Variants in CDH12 observed in about 807,000 individuals in gnomAD.
CDH12 encodes cadherin-12.
CDH12 carries 41 observed loss-of-function variants against 74.1 expected under a neutral mutation model. The ratio of observed to expected loss-of-function variants is 0.55; its 90% CI spans 0.43 to 0.72. The LOEUF (loss-of-function observed/expected upper bound fraction) is 0.72. Ranked by LOEUF, CDH12 falls within the 30% of genes least tolerant of loss-of-function variation. The pLI, the probability that CDH12 is intolerant of heterozygous loss-of-function variation, is 0.00. For synonymous variants in CDH12, 399 were observed against 355.0 expected, an observed-to-expected ratio of 1.12 and a Z score of -1.39; for missense variants, 945 against 977.2, an observed-to-expected ratio of 0.97 and a Z score of 0.44.
chr5:21,853,482 C>T (rs987534901), intron 7 of CDH12, among the ~76,000 whole-genome samples: 3 of 151,378 alleles, frequency 2.0e-5, no homozygotes, highest in African/African-American at 7.3e-5. Flanking sequence ...ACTTCTGGCC[C>T]CTATTGGCTT....
At chr5:22,176,921 C>A (rs971180984) in intron 4 of CDH12, among the ~76,000 whole-genome samples, 1 of 152,100 alleles carries the variant, frequency 6.6e-6, no homozygotes, top group Non-Finnish European at 1.5e-5. Context: ...CATGCTTTGC[C>A]TCTTTGCTCA....
At chr5:21,803,921 C>T (rs528267191) in intron 9 of CDH12, among the ~76,000 whole-genome samples, 1 of 152,084 alleles carries the variant, frequency 6.6e-6, no homozygotes, top group Non-Finnish European at 1.5e-5. Flanking sequence ...ACTTTTAAAT[C>T]TTCGAAAACT....
intron 3 of CDH12, among the ~76,000 whole-genome samples, chr5:22,244,755 AG>A (rs1752878094): frequency 9.7e-6 from 1 of 103,588 alleles, no homozygotes; most frequent in Admixed American, 8.9e-5. Context: ...AAAGAAAGAA[AG>A]AAAGAAAGAA....
intron 5 of CDH12, among the ~76,000 whole-genome samples, chr5:22,008,761 A>G (rs554024787): frequency 6.6e-6 from 1 of 152,080 alleles, no homozygotes; most frequent in Non-Finnish European, 1.5e-5. Flanking sequence ...CATGTCCCAG[A>G]TATCTGGGAT....
intron 3 of CDH12, among the ~76,000 whole-genome samples, chr5:22,317,194 T>C (rs959751822): frequency 8.6e-5 from 13 of 152,024 alleles, no homozygotes; most frequent in African/African-American, 3.1e-4. Context: ...GGCGGGCGCC[T>C]GTAATCCTAG....
chr5:22,255,783 G>T (rs1188904077), intron 3 of CDH12, among the ~76,000 whole-genome samples: 1 of 151,594 alleles, frequency 6.6e-6, no homozygotes, highest in African/African-American at 2.4e-5. Context: ...CTAAAATTAA[G>T]TTTTTTAAAA....
At chr5:22,764,543 A>G (rs1351260277) in intron 1 of CDH12, among the ~76,000 whole-genome samples, 2 of 152,032 alleles carry the variant, frequency 1.3e-5, no homozygotes, top group Non-Finnish European at 2.9e-5. Context: ...AATGAAGAAC[A>G]TGGTATTATA....
chr5:21,808,695 C>A (rs543438000), intron 9 of CDH12, among the ~76,000 whole-genome samples: 1 of 151,986 alleles, frequency 6.6e-6, no homozygotes, highest in African/African-American at 2.4e-5. Flanking sequence ...AATGAAAAAG[C>A]AGGTTTCCTA....
rs34948688 is a variant in CDH12 at position 22,747,607 on chromosome 5, C to CAAA, written c.-523+105448_-523+105450dup. Reference sequence around the variant, plus strand: ...ACCTGGTAACAGAGTGAGACGCTGCCAAAAAAAAAAAAAAAAAGAGAAGAA... The same window carrying CAAA: ...ACCTGGTAACAGAGTGAGACGCTGCCAAAAAAAAAAAAAAAAAAAAGAGAAGAA... On this transcript the variant is annotated intron_variant, in intron 1 of 14. Coordinates refer to ENST00000382254, the MANE Select transcript of CDH12 (RefSeq NM_004061.5). Among the ~76,000 whole-genome samples the CAAA allele has an allele frequency of 2.0e-3, 221 of 110,722 alleles. 2 individuals are homozygous for CAAA. Among genetic ancestry groups the CAAA allele is most frequent in the Middle Eastern group, 5.3e-3 (1 of 188 alleles). The allele number at this position is 110,722 out of a possible 152,430, so 72.6% of individuals were successfully genotyped here. A position where few individuals can be genotyped will look rare whatever the true frequency, so the allele number is the denominator to read the frequency against.
chr5:22,750,229 A>C (rs12188447), intron 1 of CDH12, among the ~76,000 whole-genome samples: 125,915 of 152,046 alleles, frequency 0.83, 52,269 homozygotes, highest in Non-Finnish European at 0.86. Flanking sequence ...TGGAACATGA[A>C]CAAAGAGAGC....
At chr5:22,836,217 CTTTCTCT>C (rs1736813133) in intron 1 of CDH12, among the ~76,000 whole-genome samples, 2 of 20,478 alleles carry the variant, frequency 9.8e-5, no homozygotes, top group Admixed American at 6.3e-4. Flanking sequence ...TTTTTTCTTT[CTTTCTCT>C]TTTTTTTTTT....
chr5:22,799,244 G>C (rs1442858198), intron 1 of CDH12, among the ~76,000 whole-genome samples: 2 of 152,242 alleles, frequency 1.3e-5, no homozygotes, highest in East Asian at 3.9e-4. Flanking sequence ...AAGGAGAACA[G>C]TATTTAGCAC....
In CDH12 at chr5:21,828,062, A is replaced by T. The variant is rs2149962005; in HGVS notation, c.815-10930T>A. On this transcript the variant is annotated intron_variant, in intron 8 of 14. Transcript: ENST00000382254. The stretch of plus-strand genomic sequence containing the variant: ...AAAAATATGCCACAAGCAACACTAA[A>T]AGTTTTTTCATAAATTATAAATAAA... Among the ~76,000 whole-genome samples the T allele has an allele frequency of 1.3e-5, 2 of 152,282 alleles. 1 individual carries two copies. The highest frequency in any genetic ancestry group is 3.9e-4 in the East Asian group (2 of 5,174).
intron 3 of CDH12, among the ~76,000 whole-genome samples, chr5:22,404,769 CTG>C (rs763675164): frequency 6.6e-6 from 1 of 152,206 alleles, no homozygotes; most frequent in Non-Finnish European, 1.5e-5. Context: ...GCCAGCGTTT[CTG>C]TGTTTCCCCT....
chr5:22,173,900 T>G lies in CDH12; in HGVS notation c.-187+38598A>C, dbSNP rs1285533722. On this transcript the variant is annotated intron_variant, in intron 4 of 14. Transcript: ENST00000382254. ...AGCCTGTAAAAGCTGATATGCCACATGCCACTCCAAGTGGAATGGAGATAG... is the reference window on the plus strand; with the variant it reads ...AGCCTGTAAAAGCTGATATGCCACAGGCCACTCCAAGTGGAATGGAGATAG... 3.9e-5 allele frequency among the ~76,000 whole-genome samples: 6 copies of G among 151,950 alleles called. No homozygotes were observed. The South Asian group carries it at 8.3e-4, about 21-fold the overall frequency.
At chr5:22,175,421 G>A (rs529929260) in intron 4 of CDH12, among the ~76,000 whole-genome samples, 1 of 151,788 alleles carries the variant, frequency 6.6e-6, no homozygotes, top group African/African-American at 2.4e-5. Flanking sequence ...AGAAGTTCAG[G>A]ATCAAACAGA....
chr5:22,677,364 A>G (rs1018474618), intron 1 of CDH12, among the ~76,000 whole-genome samples: 2 of 152,120 alleles, frequency 1.3e-5, no homozygotes, highest in African/African-American at 4.8e-5. Flanking sequence ...TCTTGATTTC[A>G]AAATGTAAAA....
intron 2 of CDH12, among the ~76,000 whole-genome samples, chr5:22,487,476 AT>A (rs1746658002): frequency 6.6e-6 from 1 of 152,192 alleles, no homozygotes; most frequent in African/African-American, 2.4e-5. Context: ...AAATGCTGTA[AT>A]TTAACTGCCA....
At chr5:22,643,175 A>C (rs1183363936) in intron 1 of CDH12, among the ~76,000 whole-genome samples, 1 of 152,164 alleles carries the variant, frequency 6.6e-6, no homozygotes, top group Non-Finnish European at 1.5e-5. Context: ...GCTTCGTGAA[A>C]TAGATCTAGC....
Sources: gnomAD v4.1 joint callset for allele counts (sites outside exome capture counted in the v4.1 genomes callset) on GRCh38, gnomAD v4.1.1 for gene constraint, MANE v1.5 for transcripts, NCBI Gene and HGNC (gene_info 2026-07-23, HGNC 2026-07-21) for gene names.